MAU2: variants seen among roughly 807,000 people sequenced by gnomAD.
MAU2 encodes MAU2 chromatid cohesion factor homolog.
A neutral mutation model predicts 89.1 loss-of-function variants in MAU2; 9 were observed. That is an observed-to-expected ratio of 0.10 (90% CI 0.06 to 0.18). MAU2 has a LOEUF of 0.18. Ranked by LOEUF, MAU2 falls within the 10% of genes least tolerant of loss-of-function variation. The pLI is 1.00. For missense variants in MAU2, 425 were observed against 803.5 expected, an observed-to-expected ratio of 0.53 and a Z score of 5.69; for synonymous variants, 357 against 343.4, an observed-to-expected ratio of 1.04 and a Z score of -0.44.
chr19:19,348,558 C>T, intron 13 of MAU2: 1 of 503,538 alleles, frequency 2.0e-6, no homozygotes, highest in Non-Finnish European at 3.6e-6. Context: ...CCCCCACAGC[C>T]CACAGGGCTC....
Position 19,347,250 on chromosome 19 carries a change from G to A in MAU2, c.1222-30G>A, listed in dbSNP as rs769421643. 48 of 1,513,390 alleles carry A rather than the reference G, an allele frequency of 3.2e-5. 1 individual carries two copies. In the South Asian group the frequency reaches 5.3e-4, roughly 17 times the overall value. 93.7% of individuals were successfully genotyped at this position (1,513,390 alleles called of 1,614,324 possible). A position where few individuals can be genotyped will look rare whatever the true frequency, so the allele number is the denominator to read the frequency against. ...CACATGGGTCACAGCACCCGACCCA[G>A]CCCCCTAATGTCCCCGCCTCCCATT... On this transcript the variant is annotated intron_variant, in intron 12 of 18. Coordinates refer to ENST00000262815, the MANE Select transcript of MAU2 (RefSeq NM_015329.4).
At chr19:19,336,226 T>G in intron 3 of MAU2, 39 bp downstream of exon 3, 1 of 1,440,962 alleles carries the variant, frequency 6.9e-7, no homozygotes, top group Non-Finnish European at 9.8e-7. Context: ...AAAGTGTCTC[T>G]CCGTGTCGCT....
In MAU2 at chr19:19,357,577, A is replaced by G. The variant is rs1327564337; in HGVS notation, c.*1795A>G. 1 of 152,366 alleles carries G rather than the reference A, an allele frequency of 6.6e-6. No individual in the cohort carries two copies. Among genetic ancestry groups the G allele is most frequent in the Non-Finnish European group, 1.5e-5 (1 of 68,016 alleles). 9.4% of individuals were successfully genotyped at this position (152,366 alleles called of 1,614,324 possible). On this transcript the variant is annotated 3_prime_UTR_variant, in exon 19 of 19. Transcript: ENST00000262815. ...GCGTGCATCATGTTCATCCCCATCT[A>G]TTTATTTAAGCCTTTCTTTGCTTGT...
chr19:19,355,597 G>T, intron 18 of MAU2, 111 bp from the exon 19 acceptor site: 2 of 1,219,640 alleles, frequency 1.6e-6, no homozygotes, highest in Admixed American at 2.0e-5. Context: ...ACTGGGGCAT[G>T]GAGAACAGAG....
Position 19,355,257 on chromosome 19 carries a change from C to T in MAU2, c.1640-7C>T, listed in dbSNP as rs757428518. On this transcript the variant is annotated splice_polypyrimidine_tract_variant and splice_region_variant and intron_variant, in intron 17 of 18. Coordinates refer to ENST00000262815, the MANE Select transcript of MAU2 (RefSeq NM_015329.4). ...GGCGGGCCCCCATGCTCATGTCCCA[C>T]TCTCAGACCTGAATAAAGCCTGTGG... 2 of 1,613,836 alleles carry T rather than the reference C, an allele frequency of 1.2e-6. No individual in the cohort carries two copies. The highest frequency in any genetic ancestry group is 1.7e-6 in the Non-Finnish European group (2 of 1,179,962).
chr19:19,343,061 G>A (rs150751317), intron 9 of MAU2, among the ~76,000 whole-genome samples, 195 bp downstream of exon 9: 2 of 152,310 alleles, frequency 1.3e-5, no homozygotes, highest in East Asian at 3.9e-4. Context: ...CCTGGGGTCG[G>A]GGGTACCTCC....
At position 19,346,613 on chromosome 19, in the gene MAU2, A is replaced by G. The variant is rs1018835572; in HGVS notation, c.1222-667A>G. Among the ~76,000 whole-genome samples the G allele has an allele frequency of 1.0e-3, 155 of 152,272 alleles. 1 individual carries two copies. The highest frequency in any genetic ancestry group is 1.6e-4 in the Non-Finnish European group (11 of 67,994). On this transcript the variant is annotated intron_variant, in intron 12 of 18. Transcript: ENST00000262815. ...GTGTGTGCCAGGAGGGGATCTGTGCAGGTGGGGTCTGTGCTTCCTGGGCTC... is the reference window on the plus strand; with the variant it reads ...GTGTGTGCCAGGAGGGGATCTGTGCGGGTGGGGTCTGTGCTTCCTGGGCTC...
Position 19,344,845 on chromosome 19 carries a change from G to T in MAU2, c.1078-4G>T, listed in dbSNP as rs903827673. ...TGTGATGGCAGTACACTCTCTCCCG[G>T]CAGATCTCCCAGGTCTGCCAGCTGT... is the stretch of plus-strand genomic sequence containing the variant. On this transcript the variant is annotated splice_region_variant and splice_polypyrimidine_tract_variant and intron_variant, in intron 10 of 18. Coordinates refer to ENST00000262815, the MANE Select transcript of MAU2 (RefSeq NM_015329.4). 2 of 1,612,942 alleles carry T rather than the reference G, an allele frequency of 1.2e-6. No individual in the cohort carries two copies. The highest frequency in any genetic ancestry group is 2.7e-5 in the African/African-American group (2 of 74,876).
chr19:19,353,225 A>G (rs1274388692), intron 16 of MAU2: 8 of 152,250 alleles, frequency 5.3e-5, no homozygotes, highest in Non-Finnish European at 1.2e-4. Flanking sequence ...GGGTACCCCA[A>G]GCTGGCATTG....
chr19:19,324,262 G>A (rs2146649237), intron 1 of MAU2, among the ~76,000 whole-genome samples: 1 of 152,296 alleles, frequency 6.6e-6, no homozygotes, highest in East Asian at 1.9e-4. Flanking sequence ...AGGCCTGAAT[G>A]GGTGGGGCAG....
At chr19:19,325,090 T>C (rs558642994) in intron 1 of MAU2, among the ~76,000 whole-genome samples, 1 of 152,332 alleles carries the variant, frequency 6.6e-6, no homozygotes, top group Non-Finnish European at 1.5e-5. Context: ...GCCAACCCAG[T>C]GTAACAGTAT....
chr19:19,326,732 A>ATGTGTATATATATATATACATATG (rs2061511783), intron 1 of MAU2, among the ~76,000 whole-genome samples: 1 of 131,792 alleles, frequency 7.6e-6, no homozygotes, highest in Non-Finnish European at 1.6e-5. Flanking sequence ...ATATATATAT[A>ATGTGTATATATATATATACATATG]TATACACAAA....
intron 5 of MAU2, 33 bp downstream of exon 5, chr19:19,338,972 CTG>C: frequency 6.5e-7 from 1 of 1,542,412 alleles, no homozygotes; most frequent in East Asian, 2.3e-5. Flanking sequence ...CCCTCCTGCT[CTG>C]TTAACAGGAG....
At chr19:19,355,511 A>G in intron 18 of MAU2, 120 bp downstream of exon 18, 1 of 1,444,014 alleles carries the variant, frequency 6.9e-7, no homozygotes, top group East Asian at 2.4e-5. Context: ...GCCTCAGGTG[A>G]TCCCTTGATG....
rs754978278 is a variant in MAU2, at chr19:19,336,205, T to TTTC, written c.360+20_360+22dup. The TTTC allele has an allele frequency of 3.8e-6, 6 of 1,587,530 alleles. No individual in the cohort carries two copies. In the Admixed American group the frequency reaches 5.1e-5, roughly 13 times the overall value. On this transcript the variant is annotated intron_variant, in intron 3 of 18. Transcript: ENST00000262815. ...GTCAAGAGGTAAGAACATATTAAGG[T>TTTC]TTCTGAAAGCAAAGTGTCTCTCCGT...
At chr19:19,326,392 G>GA (rs1025983814) in intron 1 of MAU2, among the ~76,000 whole-genome samples, 9 of 150,064 alleles carry the variant, frequency 6.0e-5, no homozygotes, top group Non-Finnish European at 1.2e-4. Flanking sequence ...GTCTCTACCA[G>GA]AAAAAAAAAT....
intron 1 of MAU2, among the ~76,000 whole-genome samples, chr19:19,326,692 A>ATATATATACGTATATATATATATATACG (rs2061507710): frequency 3.3e-5 from 4 of 121,218 alleles, no homozygotes; most frequent in Non-Finnish European, 7.1e-5. Flanking sequence ...TCAAAAAAAA[A>ATATATATACGTATATATATATATATACG]TATATATATG....
intron 1 of MAU2, among the ~76,000 whole-genome samples, chr19:19,326,691 A>ATATATATACGTATAT (rs1555792830): frequency 9.1e-6 from 1 of 109,448 alleles, no homozygotes; most frequent in Non-Finnish European, 1.9e-5. Context: ...CTCAAAAAAA[A>ATATATATACGTATAT]ATATATATAT....
intron 1 of MAU2, among the ~76,000 whole-genome samples, chr19:19,331,763 ACT>A (rs1023063548): frequency 2.0e-5 from 3 of 151,994 alleles, no homozygotes; most frequent in African/African-American, 7.3e-5. Context: ...GAAAAACAAA[ACT>A]CTAACAAAGA....
Sources: gnomAD v4.1 joint callset for allele counts (sites outside exome capture counted in the v4.1 genomes callset) on GRCh38, gnomAD v4.1.1 for gene constraint, MANE v1.5 for transcripts, NCBI Gene and HGNC (gene_info 2026-07-23, HGNC 2026-07-21) for gene names.